The following GALM variants were observed in gnomAD, a reference collection of about 807,000 sequenced individuals.
GALM encodes the protein galactose mutarotase.
A neutral mutation model predicts 37.4 loss-of-function variants in GALM; 43 were observed. The observed-to-expected ratio is 1.15, with a 90% CI of 0.90 to 1.48. GALM has a LOEUF of 1.48. Among genes scored for constraint, GALM ranks in the 40% most tolerant of loss-of-function variants. The pLI is 0.00. For synonymous variants in GALM, 199 were observed against 170.6 expected (o/e 1.17, Z -1.30); for missense variants, 456 against 419.1 (o/e 1.09, Z -0.77).
chr2:38,677,484 G>T (rs1665285349), intron 2 of GALM, among the ~76,000 whole-genome samples: 1 of 152,114 alleles, frequency 6.6e-6, no homozygotes, highest in Non-Finnish European at 1.5e-5. Flanking sequence ...GGCAGCATGT[G>T]CTCTGCCAGT....
chr2:38,725,184 G>T (rs1011641536), intron 4 of GALM, among the ~76,000 whole-genome samples: 1 of 152,156 alleles, frequency 6.6e-6, no homozygotes, highest in East Asian at 1.9e-4. Context: ...AGGTTGGTAA[G>T]ACTAAAATCT....
intron 6 of GALM, among the ~76,000 whole-genome samples, chr2:38,732,977 T>C (rs1043421966): frequency 1.9e-4 from 29 of 150,926 alleles, no homozygotes; most frequent in Non-Finnish European, 3.7e-4. Context: ...TCCCAGCACT[T>C]TGAGAGTCTG....
intron 1 of GALM, among the ~76,000 whole-genome samples, chr2:38,675,543 TTG>T (rs1160196072): frequency 0.011 from 359 of 33,634 alleles, 4 homozygotes; most frequent in South Asian, 0.021. Context: ...TTTTTTTTTT[TTG>T]TGTGTGTGTG....
rs367573861 is a variant in GALM, at chr2:38,730,279, G to A, written c.776+582G>A. 4.6e-5 allele frequency among the ~76,000 whole-genome samples: 7 copies of A among 152,278 alleles called. No individual in the cohort carries two copies. In the South Asian group the frequency reaches 8.3e-4, roughly 18 times the overall value. ...AGAATTAACAGTTTTGTGTGTGTGC[G>A]TGTGTGTGACGGAGTCTTGCTCTGT... On this transcript the variant is annotated intron_variant, in intron 5 of 6. Coordinates refer to ENST00000272252, the MANE Select transcript of GALM (RefSeq NM_138801.3).
At chr2:38,709,184 A>T (rs1189048757) in intron 4 of GALM, among the ~76,000 whole-genome samples, 2 of 152,182 alleles carry the variant, frequency 1.3e-5, no homozygotes, top group Non-Finnish European at 2.9e-5. Flanking sequence ...CCTGAAAACC[A>T]GGGGAATATG....
chr2:38,666,476 G>C (rs1664940655), intron 1 of GALM, 125 bp downstream of exon 1: 3 of 692,684 alleles, frequency 4.3e-6, no homozygotes. Context: ...GGGACCGTCT[G>C]ACTTGCAAGC....
intron 4 of GALM, among the ~76,000 whole-genome samples, chr2:38,726,473 G>T (rs188232803): frequency 2.0e-5 from 3 of 151,438 alleles, no homozygotes; most frequent in Non-Finnish European, 4.4e-5. Context: ...TGATCCGCCC[G>T]CCTCGGCCTG....
intron 5 of GALM, among the ~76,000 whole-genome samples, chr2:38,730,476 A>C (rs184034343): frequency 2.6e-5 from 4 of 152,216 alleles, no homozygotes; most frequent in African/African-American, 9.6e-5. Flanking sequence ...AATGTTGGTC[A>C]GGCTGGTCTT....
chr2:38,719,722 C>T (rs1440905070), intron 4 of GALM, among the ~76,000 whole-genome samples: 2 of 146,544 alleles, frequency 1.4e-5, no homozygotes, highest in African/African-American at 2.5e-5. Flanking sequence ...TGCCGTGAGC[C>T]GAGATCACGC....
At chr2:38,704,977 C>A (rs1666009178) in intron 4 of GALM, among the ~76,000 whole-genome samples, 1 of 152,188 alleles carries the variant, frequency 6.6e-6, no homozygotes, top group African/African-American at 2.4e-5. Flanking sequence ...AAACACATTA[C>A]TGTTACAAGA....
intron 1 of GALM, among the ~76,000 whole-genome samples, chr2:38,675,657 C>T (rs1209715264): frequency 1.3e-5 from 2 of 150,620 alleles, no homozygotes; most frequent in Non-Finnish European, 2.9e-5. Context: ...CAAGCTCCAC[C>T]TCCCAGGTTC....
intron 4 of GALM, among the ~76,000 whole-genome samples, chr2:38,706,464 C>T (rs1249926975): frequency 7.0e-6 from 1 of 143,692 alleles, no homozygotes; most frequent in African/African-American, 2.6e-5. Flanking sequence ...TGCTTGAGCC[C>T]AGGAGTTCGA....
Position 38,731,222 on chromosome 2 carries a change from A to T in GALM, c.777-513A>T, listed in dbSNP as rs1237708592. 1.3e-5 allele frequency among the ~76,000 whole-genome samples: 2 copies of T among 151,912 alleles called. 1 individual carries two copies. Among genetic ancestry groups the T allele is most frequent in the Non-Finnish European group, 2.9e-5 (2 of 67,978 alleles). On this transcript the variant is annotated intron_variant, in intron 5 of 6. Transcript: ENST00000272252. Reference sequence around the variant, plus strand: ...TCCCTGGGTGACAGAGCCAGACTCCATCTCAAAACAAACAAACAAACAAAA... The same window carrying T: ...TCCCTGGGTGACAGAGCCAGACTCCTTCTCAAAACAAACAAACAAACAAAA...
intron 4 of GALM, among the ~76,000 whole-genome samples, chr2:38,715,990 A>G (rs1666263639): frequency 6.6e-6 from 1 of 152,224 alleles, no homozygotes; most frequent in African/African-American, 2.4e-5. Context: ...CAGCCTTTAA[A>G]TCCAGGCCTG....
intron 1 of GALM, among the ~76,000 whole-genome samples, chr2:38,674,805 T>C (rs1415008254): frequency 2.6e-5 from 4 of 152,194 alleles, no homozygotes; most frequent in Non-Finnish European, 5.9e-5. Context: ...ACCATAGTTT[T>C]GCTTCCTGCA....
rs140470637 is a variant in GALM at position 38,683,480 on chromosome 2, G to A, written c.552+1994G>A. Among the ~76,000 whole-genome samples the A allele has an allele frequency of 3.4e-3, 517 of 152,092 alleles. 4 individuals carry two copies. The highest frequency in any genetic ancestry group is 0.012 in the African/African-American group (499 of 41,466). On this transcript the variant is annotated intron_variant, in intron 3 of 6. Coordinates refer to ENST00000272252, the MANE Select transcript of GALM (RefSeq NM_138801.3). ...TTCAGCATTCCTAATCTGAAAACTCGAAATCTGGAATGCTCCAGTGACTAC... is the reference window on the plus strand; with the variant it reads ...TTCAGCATTCCTAATCTGAAAACTCAAAATCTGGAATGCTCCAGTGACTAC...
At chr2:38,705,877 G>A (rs1463610231) in intron 4 of GALM, among the ~76,000 whole-genome samples, 7 of 151,992 alleles carry the variant, frequency 4.6e-5, no homozygotes, top group African/African-American at 1.4e-4. Flanking sequence ...TTGTGCTGTC[G>A]CCCAGGCTGG....
chr2:38,689,808 C>T lies in GALM; in HGVS notation c.553-5C>T. The T allele has an allele frequency of 1.3e-6, 2 of 1,579,228 alleles. No individual in the cohort carries two copies. Among genetic ancestry groups the T allele is most frequent in the Non-Finnish European group, 8.7e-7 (1 of 1,153,794 alleles). ...GAAAACCTTTCCCCTACCTTTTCCT[C>T]CCAGGCTTCCCCAAATATAAATGAC... On this transcript the variant is annotated splice_polypyrimidine_tract_variant and splice_region_variant and intron_variant, in intron 3 of 6. Coordinates refer to ENST00000272252, the MANE Select transcript of GALM (RefSeq NM_138801.3).
chr2:38,721,675 C>T (rs550051839), intron 4 of GALM, among the ~76,000 whole-genome samples: 18 of 152,064 alleles, frequency 1.2e-4, no homozygotes, highest in Non-Finnish European at 2.4e-4. Flanking sequence ...CATACCACAC[C>T]TGGCTAATTT....
Sources: allele counts gnomAD v4.1 joint callset (sites outside exome capture counted in the v4.1 genomes callset), GRCh38; gene constraint gnomAD v4.1.1; transcripts MANE v1.5; gene names NCBI Gene and HGNC (gene_info 2026-07-23, HGNC 2026-07-21).